Variants in NTRK2 observed in about 807,000 individuals in gnomAD.
NTRK2 encodes neurotrophic receptor tyrosine kinase 2.
NTRK2 carries 13 observed loss-of-function variants against 94.5 expected under a neutral mutation model. The observed-to-expected ratio is 0.14, with a 90% CI of 0.09 to 0.22. The LOEUF is 0.22. Ranked by LOEUF, NTRK2 falls within the 10% of genes least tolerant of loss-of-function variation. The pLI is 1.00. For synonymous variants in NTRK2, 372 were observed against 407.4 expected (o/e 0.91, Z 1.05); for missense variants, 639 against 1,071.2 (o/e 0.60, Z 5.63).
At chr9:84,937,434 G>A (rs1373769303) in intron 15 of NTRK2, among the ~76,000 whole-genome samples, 1 of 152,198 alleles carries the variant, frequency 6.6e-6, no homozygotes, top group Non-Finnish European at 1.5e-5. Context: ...TCAGATTCCT[G>A]TAAATTCTGG....
intron 14 of NTRK2, among the ~76,000 whole-genome samples, chr9:84,916,977 T>C (rs1004043153): frequency 2.6e-5 from 4 of 152,222 alleles, no homozygotes; most frequent in Non-Finnish European, 5.9e-5. Context: ...CGCTTGCATG[T>C]GAAAGTCTGT....
At chr9:84,964,160 T>A (rs1188141440) in intron 17 of NTRK2, among the ~76,000 whole-genome samples, 1 of 152,232 alleles carries the variant, frequency 6.6e-6, no homozygotes, top group African/African-American at 2.4e-5. Context: ...AATTTCACCT[T>A]GTTGGATGCT....
chr9:84,948,703 T>C lies in NTRK2; in HGVS notation c.1937+69T>C. The C allele has an allele frequency of 3.4e-6, 5 of 1,473,742 alleles. No homozygotes were observed. In the South Asian group the frequency reaches 5.8e-5, roughly 17 times the overall value. The allele number at this position is 1,473,742 out of a possible 1,614,324, so 91.3% of individuals were successfully genotyped here. A position where few individuals can be genotyped will look rare whatever the true frequency, so the allele number is the denominator to read the frequency against. On this transcript the variant is annotated intron_variant, in intron 16 of 18. Transcript: ENST00000277120. ...TCAGGGTTCAGGAGTGGAGGGTTCA[T>C]GGGAGGGAACAAGGGACCCCTGGAC...
At chr9:84,824,282 C>G (rs567202220) in intron 12 of NTRK2, among the ~76,000 whole-genome samples, 1 of 152,338 alleles carries the variant, frequency 6.6e-6, no homozygotes, top group African/African-American at 2.4e-5. Context: ...TGAGAGAACC[C>G]TCACGACCCA....
rs79908770 is a variant in NTRK2, at chr9:84,977,836, C to T, written c.2172+22319C>T. 6.3e-3 allele frequency among the ~76,000 whole-genome samples: 964 copies of T among 152,356 alleles called. 9 individuals carry two copies. Among genetic ancestry groups the T allele is most frequent in the Non-Finnish European group, 0.011 (745 of 68,036 alleles). On this transcript the variant is annotated intron_variant, in intron 17 of 18. Transcript: ENST00000277120. ...AACTGCATGGGCTCACTTCATGTCTCTGTGTCACATTTTGGTAACTCATGC... is the reference window on the plus strand; with the variant it reads ...AACTGCATGGGCTCACTTCATGTCTTTGTGTCACATTTTGGTAACTCATGC...
intron 14 of NTRK2, among the ~76,000 whole-genome samples, chr9:84,880,426 A>T (rs762516345): frequency 6.6e-6 from 1 of 152,202 alleles, no homozygotes; most frequent in Non-Finnish European, 1.5e-5. Flanking sequence ...GAATCTTATG[A>T]GCATCGCAGA....
At position 84,744,563 on chromosome 9, in the gene NTRK2, T is replaced by A. The variant is rs563861970; in HGVS notation, c.1196-410T>A. ...GTCATGTAACTTTCCTCCACTGATA[T>A]TCTTCAGCTGTAAAACTGGTAGTTA... On this transcript the variant is annotated intron_variant, in intron 10 of 18. Transcript: ENST00000277120. 2.5e-4 allele frequency among the ~76,000 whole-genome samples: 38 copies of A among 152,268 alleles called. No homozygotes were observed. The South Asian group carries it at 7.5e-3, about 30-fold the overall frequency.
At chr9:84,730,902 TTGA>T (rs1449825740) in intron 9 of NTRK2, among the ~76,000 whole-genome samples, 1 of 151,492 alleles carries the variant, frequency 6.6e-6, no homozygotes, top group Non-Finnish European at 1.5e-5. Context: ...CATATGATAA[TTGA>T]TGAAGAAGTT....
chr9:84,736,374 A>G (rs2047678419), intron 9 of NTRK2, among the ~76,000 whole-genome samples: 2 of 152,330 alleles, frequency 1.3e-5, no homozygotes, highest in South Asian at 2.1e-4. Flanking sequence ...GTGCTGTTTT[A>G]TCGAAAGATT....
At chr9:84,975,166 G>T (rs765971299) in intron 17 of NTRK2, among the ~76,000 whole-genome samples, 2 of 152,112 alleles carry the variant, frequency 1.3e-5, no homozygotes, top group African/African-American at 2.4e-5. Context: ...TTGAGGAGTG[G>T]ACAGCAAGAC....
chr9:85,009,318 G>C (rs1831311160), intron 17 of NTRK2, among the ~76,000 whole-genome samples: 1 of 152,232 alleles, frequency 6.6e-6, no homozygotes, highest in Non-Finnish European at 1.5e-5. Flanking sequence ...TCCAGGCACA[G>C]TCCCAGTTAA....
chr9:84,674,430 G>A (rs942153065), intron 2 of NTRK2, among the ~76,000 whole-genome samples: 1 of 151,882 alleles, frequency 6.6e-6, no homozygotes, highest in Non-Finnish European at 1.5e-5. Context: ...ATTGATTTTG[G>A]CCCTCTTACT....
intron 12 of NTRK2, among the ~76,000 whole-genome samples, chr9:84,844,265 G>A (rs1173280875): frequency 6.6e-6 from 1 of 152,216 alleles, no homozygotes; most frequent in Non-Finnish European, 1.5e-5. Context: ...AGCTGGAGAG[G>A]CCTGGGCCAG....
intron 17 of NTRK2, among the ~76,000 whole-genome samples, chr9:84,973,955 A>C (rs916399025): frequency 3.3e-5 from 5 of 149,872 alleles, no homozygotes; most frequent in African/African-American, 1.2e-4. Flanking sequence ...TTTAAAGTTT[A>C]TTTCTTTGTC....
chr9:84,779,714 T>C (rs1277179146), intron 12 of NTRK2, among the ~76,000 whole-genome samples: 3 of 152,192 alleles, frequency 2.0e-5, no homozygotes, highest in Admixed American at 2.0e-4. Flanking sequence ...GTGCTGATGA[T>C]ATTGTTTCTC....
chr9:84,903,751 T>C (rs916156443), intron 14 of NTRK2, among the ~76,000 whole-genome samples: 2 of 151,672 alleles, frequency 1.3e-5, no homozygotes, highest in African/African-American at 4.8e-5. Context: ...CCCTTCTCTC[T>C]CTCTCTCTCA....
intron 14 of NTRK2, among the ~76,000 whole-genome samples, chr9:84,898,392 T>G (rs1169884478): frequency 6.6e-6 from 1 of 152,240 alleles, no homozygotes; most frequent in East Asian, 1.9e-4. Flanking sequence ...AAGCAGACCT[T>G]GTTCTTACTA....
intron 2 of NTRK2, among the ~76,000 whole-genome samples, chr9:84,683,551 T>C (rs910515588): frequency 2.6e-5 from 4 of 152,234 alleles, no homozygotes; most frequent in Non-Finnish European, 5.9e-5. Flanking sequence ...TAGTATTTCA[T>C]GGCATATATG....
chr9:84,756,922 C>G (rs886761518), intron 12 of NTRK2, among the ~76,000 whole-genome samples: 1 of 152,152 alleles, frequency 6.6e-6, no homozygotes, highest in Non-Finnish European at 1.5e-5. Flanking sequence ...TCAATAGCAA[C>G]CAAAAATCTG....
Sources: gnomAD v4.1 joint callset for allele counts (sites outside exome capture counted in the v4.1 genomes callset) on GRCh38, gnomAD v4.1.1 for gene constraint, MANE v1.5 for transcripts, NCBI Gene and HGNC (gene_info 2026-07-23, HGNC 2026-07-21) for gene names.